SPATA31F1: variants seen among roughly 807,000 people sequenced by gnomAD.
SPATA31F1 encodes protein SPATA31F1.
At chr9:34,726,815 A>G in the SPATA31F1 span, 3 of 1,551,788 alleles carry the variant, frequency 1.9e-6, no homozygotes, top group South Asian at 2.4e-5. Flanking sequence ...AGACGTAGAC[A>G]GCATCTCTAG....
chr9:34,727,612 CAG>C, the SPATA31F1 span, among the ~76,000 whole-genome samples: 46 of 152,262 alleles, frequency 3.0e-4, no homozygotes, highest in African/African-American at 1.1e-3. Context: ...AGAGTCTAGC[CAG>C]AGTCAGGTAT....
chr9:34,728,708 T>A, the SPATA31F1 span: 1 of 1,499,296 alleles, frequency 6.7e-7, no homozygotes, highest in South Asian at 1.2e-5. Context: ...TTCTTTCTCA[T>A]GTCCAAAATG....
chr9:34,728,632 C>T, the SPATA31F1 span: 1,597 of 1,551,236 alleles, frequency 1.0e-3, 1 homozygote, highest in Non-Finnish European at 1.3e-3. Flanking sequence ...ATCTCTAGCT[C>T]TTTGCCTGAC....
At chr9:34,723,692 C>A in the SPATA31F1 span, 1 of 1,551,582 alleles carries the variant, frequency 6.4e-7, no homozygotes, top group East Asian at 2.4e-5. Context: ...CAAAGTTTGG[C>A]CCTGCAAAGG....
the SPATA31F1 span, chr9:34,728,028 A>G: frequency 1.3e-6 from 2 of 1,551,982 alleles, no homozygotes; most frequent in South Asian, 1.2e-5. Flanking sequence ...TCACCTTTTA[A>G]TGATGGAGAG....
chr9:34,727,949 T>G, the SPATA31F1 span: 1 of 1,410,468 alleles, frequency 7.1e-7, no homozygotes, highest in Non-Finnish European at 9.7e-7. Context: ...TCCTTAGTCC[T>G]GCCCCAGGCC....
chr9:34,729,227 G>A, the SPATA31F1 span: 1 of 1,509,070 alleles, frequency 6.6e-7, no homozygotes, highest in Non-Finnish European at 8.9e-7. Context: ...AGCACGGTAA[G>A]AACTTATAGG....
At chr9:34,727,741 G>A in the SPATA31F1 span, among the ~76,000 whole-genome samples, 1 of 152,206 alleles carries the variant, frequency 6.6e-6, no homozygotes, top group Admixed American at 6.5e-5. Flanking sequence ...TCATGGCTGA[G>A]TGCAGCTCCA....
the SPATA31F1 span, chr9:34,723,218 G>A: frequency 1.3e-6 from 2 of 1,548,646 alleles, no homozygotes; most frequent in African/African-American, 1.4e-5. Context: ...TCTATCTGAG[G>A]TGAGGGTCAG....
chr9:34,726,673 C>T, the SPATA31F1 span: 13 of 1,551,418 alleles, frequency 8.4e-6, no homozygotes, highest in Non-Finnish European at 1.1e-5. Flanking sequence ...CATCTGCATA[C>T]GTTGACTGGG....
At chr9:34,723,121 A>C in the SPATA31F1 span, 35 of 1,304,280 alleles carry the variant, frequency 2.7e-5, no homozygotes, top group Admixed American at 2.8e-5. Context: ...AAATGACAAT[A>C]CTGGTCCTCT....
At chr9:34,724,582 A>G in the SPATA31F1 span, 2 of 1,538,934 alleles carry the variant, frequency 1.3e-6, no homozygotes, top group Middle Eastern at 1.7e-4. Context: ...TGGTCAAGAT[A>G]TGTGTCTGGA....
chr9:34,723,368 C>A, the SPATA31F1 span: 1 of 1,551,522 alleles, frequency 6.4e-7, no homozygotes, highest in Non-Finnish European at 8.7e-7. Context: ...GGATTGGGGA[C>A]CATCCAAGAA....
At chr9:34,723,160 A>C in the SPATA31F1 span, 1 of 1,480,292 alleles carries the variant, frequency 6.8e-7, no homozygotes, top group Non-Finnish European at 9.0e-7. Flanking sequence ...GGGAGCCTAT[A>C]AACTCTTTTT....
At chr9:34,725,890 T>G in the SPATA31F1 span, 137 of 1,551,950 alleles carry the variant, frequency 8.8e-5, no homozygotes, top group Non-Finnish European at 1.2e-4. Flanking sequence ...GGCCTTGAGA[T>G]CCCATGAAAG....
chr9:34,725,042 T>C, the SPATA31F1 span: 4 of 1,552,034 alleles, frequency 2.6e-6, no homozygotes, highest in East Asian at 9.8e-5. Flanking sequence ...AACTTTGTGA[T>C]GCAGGTCCGG....
chr9:34,727,460 GT>G, the SPATA31F1 span, among the ~76,000 whole-genome samples: 3 of 152,178 alleles, frequency 2.0e-5, no homozygotes, highest in Non-Finnish European at 4.4e-5. Flanking sequence ...TTTGGTACCC[GT>G]AATGTTATAC....
At chr9:34,727,711 T>G in the SPATA31F1 span, among the ~76,000 whole-genome samples, 2 of 152,234 alleles carry the variant, frequency 1.3e-5, no homozygotes, top group Non-Finnish European at 2.9e-5. Flanking sequence ...AAACCCATTC[T>G]CTTAACTGGG....
the SPATA31F1 span, chr9:34,726,470 T>C: frequency 1.9e-6 from 3 of 1,551,572 alleles, no homozygotes; most frequent in Non-Finnish European, 2.6e-6. Context: ...CAAGGAGACC[T>C]GGGAATTCAA....
Sources: allele counts gnomAD v4.1 joint callset (sites outside exome capture counted in the v4.1 genomes callset), GRCh38; gene constraint gnomAD v4.1.1; transcripts MANE v1.5; gene names NCBI Gene and HGNC (gene_info 2026-07-23, HGNC 2026-07-21).